Variants in MED31 observed in about 807,000 individuals in gnomAD.
MED31 encodes mediator of RNA polymerase II transcription subunit 31.
In MED31, 11 loss-of-function variants were observed where a neutral mutation model predicts 22.0. The observed-to-expected ratio is 0.50, with a 90% CI of 0.31 to 0.83. The LOEUF (loss-of-function observed/expected upper bound fraction) is 0.83, where lower values mean the gene tolerates loss of function less well. Ranked by LOEUF, MED31 falls within the 40% of genes least tolerant of loss-of-function variation. MED31 has a pLI of 0.04. For synonymous variants in MED31, 60 were observed against 55.1 expected, an observed-to-expected ratio of 1.09 and a Z score of -0.40; for missense variants, 122 against 155.3, an observed-to-expected ratio of 0.79 and a Z score of 1.14.
In MED31 at chr17:6,644,507, A is replaced by C; in HGVS notation, c.356T>G (p.Leu119Trp). Residue 119 changes from leucine (L) to tryptophan (W), a missense_variant, in exon 4 of 4, where the codon TTG becomes TGG. Transcript: ENST00000225728. ...SRKRMRLQQALAEQQQQNNTS... is the reference protein window; with the variant it reads ...SRKRMRLQQAWAEQQQQNNTS... The stretch of plus-strand genomic sequence containing the variant: ...GTTATTTTGCTGTTGCTGCTCTGCC[A>C]AGGCTTGCTGAAGGCGCATCCGCTT... 1 of 1,609,230 alleles carries C rather than the reference A, an allele frequency of 6.2e-7. No homozygotes were observed. The highest frequency in any genetic ancestry group is 2.2e-5 in the East Asian group (1 of 44,824).
intron 3 of MED31, among the ~76,000 whole-genome samples, chr17:6,649,356 T>C (rs936726320): frequency 6.6e-6 from 1 of 152,166 alleles, no homozygotes; most frequent in African/African-American, 2.4e-5. Flanking sequence ...AATGAGTTAA[T>C]GCATATGAAG....
At chr17:6,651,115 T>G (rs1972828936) in intron 1 of MED31, among the ~76,000 whole-genome samples, 1 of 16,242 alleles carries the variant, frequency 6.2e-5, no homozygotes, top group Non-Finnish European at 9.9e-5. Context: ...AGCCAGACGC[T>G]GTCTCAAAAA....
chr17:6,643,870 A>G lies in MED31; in HGVS notation c.*597T>C. 2.7e-6 allele frequency: 1 copy of G among 374,180 alleles called. No homozygotes were observed. Among genetic ancestry groups the G allele is most frequent in the East Asian group, 3.8e-5 (1 of 26,008 alleles). The allele number at this position is 374,180 out of a possible 1,614,324, so 23.2% of individuals were successfully genotyped here. On this transcript the variant is annotated 3_prime_UTR_variant, in exon 4 of 4. Transcript: ENST00000225728. The stretch of plus-strand genomic sequence containing the variant: ...TCAAGAGTCCAGTTAGTAACTAACC[A>G]CTAGTTGTCCTGCCATGACTAGGTC...
intron 2 of MED31, 100 bp downstream of exon 2, chr17:6,650,255 TC>T: frequency 7.5e-7 from 1 of 1,330,614 alleles, no homozygotes; most frequent in Non-Finnish European, 1.1e-6. Context: ...GTAATGTCAT[TC>T]AACTGAGAAT....
intron 3 of MED31, 177 bp downstream of exon 3, chr17:6,649,805 T>C: frequency 1.7e-6 from 1 of 575,558 alleles, no homozygotes; most frequent in Non-Finnish European, 2.7e-6. Context: ...GAAGCACAGA[T>C]AACCAGGGAG....
chr17:6,650,108 G>C (rs148346139), intron 2 of MED31, 30 bp from the exon 3 acceptor site: 1 of 1,547,676 alleles, frequency 6.5e-7, no homozygotes, highest in Non-Finnish European at 8.7e-7. Flanking sequence ...AAAATCTGTA[G>C]GTCAAACCAA....
chr17:6,651,500 C>T lies in MED31; in HGVS notation c.28+1G>A, dbSNP rs771403400. ...GACTCCAAGATCAGAGAGCTACTCA[C>T]CTGTCTCCATAGCGACAGCAGCGGC... On this transcript the variant is annotated splice_donor_variant, in intron 1 of 3. Transcript: ENST00000225728. LOFTEE classifies it high-confidence loss of function. The T allele has an allele frequency of 2.5e-6, 4 of 1,614,060 alleles. No individual in the cohort carries two copies. The highest frequency in any genetic ancestry group is 1.7e-6 in the Non-Finnish European group (2 of 1,180,026).
chr17:6,649,061 T>C (rs1299467572), intron 3 of MED31, among the ~76,000 whole-genome samples: 2 of 151,858 alleles, frequency 1.3e-5, no homozygotes, highest in Non-Finnish European at 2.9e-5. Context: ...ATGTGCTTCG[T>C]GAGTCAATTG....
At chr17:6,647,406 G>A (rs764021339) in intron 3 of MED31, among the ~76,000 whole-genome samples, 9 of 152,232 alleles carry the variant, frequency 5.9e-5, no homozygotes, top group Non-Finnish European at 1.3e-4. Flanking sequence ...ATATGCAAAT[G>A]ACTAAAGTGT....
In MED31 at chr17:6,650,431, C is replaced by A; in HGVS notation, c.31G>T (p.Asp11Tyr). 1 of 1,614,056 alleles carries A rather than the reference C, an allele frequency of 6.2e-7. No individual in the cohort carries two copies. Among genetic ancestry groups the A allele is most frequent in the South Asian group, 1.1e-5 (1 of 91,062 alleles). ...TGAAACCGAAGTCGATTTCCAGCAT[C>A]ATCTAGGAGACAAGACAGCAAAAAT... is the stretch of plus-strand genomic sequence containing the variant. MAAAVAMETDDAGNRLRFQLE... is the reference protein window; with the variant it reads MAAAVAMETDYAGNRLRFQLE... Residue 11 changes from aspartate (D) to tyrosine (Y), a missense_variant and splice_region_variant, in exon 2 of 4, where the codon GAT becomes TAT. Transcript: ENST00000225728.
At chr17:6,646,543 G>C (rs1972769805) in intron 3 of MED31, among the ~76,000 whole-genome samples, 1 of 152,214 alleles carries the variant, frequency 6.6e-6, no homozygotes, top group Non-Finnish European at 1.5e-5. Context: ...GTGCTATATT[G>C]AATCAAGGTT....
intron 3 of MED31, among the ~76,000 whole-genome samples, chr17:6,649,404 T>G (rs1056498978): frequency 2.0e-5 from 3 of 152,144 alleles, no homozygotes; most frequent in African/African-American, 7.2e-5. Flanking sequence ...AGGCCTTAAA[T>G]AAAAGACAGC....
chr17:6,650,494 G>T, intron 1 of MED31, 61 bp from the exon 2 acceptor site: 2 of 1,484,576 alleles, frequency 1.3e-6, no homozygotes, highest in Admixed American at 1.8e-5. Flanking sequence ...ATACTGATTT[G>T]TAGTAAGGAA....
intron 3 of MED31, 28 bp from the exon 4 acceptor site, chr17:6,644,687 C>T (rs1567601871): frequency 1.3e-6 from 2 of 1,529,224 alleles, no homozygotes; most frequent in Non-Finnish European, 1.8e-6. Context: ...AGTGAATGAA[C>T]AACATAATTT....
At position 6,651,120 on chromosome 17, in the gene MED31, C is replaced by CAAAAAAAAAAAAAAAAAAAAAAAAAAAAA. The variant is rs57965628; in HGVS notation, c.28+380_28+381insTTTTTTTTTTTTTTTTTTTTTTTTTTTTT. ...TGGGCGACAGAGCCAGACGCTGTCTCAAAAAAAAAAAAAAAAAGAAGCACC... is the reference window on the plus strand; with the variant it reads ...TGGGCGACAGAGCCAGACGCTGTCTCAAAAAAAAAAAAAAAAAAAAAAAAAAAAAAAAAAAAAAAAAAAAAAGAAGCACC... On this transcript the variant is annotated intron_variant, in intron 1 of 3. Transcript: ENST00000225728. Among the ~76,000 whole-genome samples, 9 of 49,050 alleles carry CAAAAAAAAAAAAAAAAAAAAAAAAAAAAA rather than the reference C, an allele frequency of 1.8e-4. 1 individual carries two copies. Among genetic ancestry groups the CAAAAAAAAAAAAAAAAAAAAAAAAAAAAA allele is most frequent in the Admixed American group, 4.1e-4 (2 of 4,922 alleles). 32.2% of individuals were successfully genotyped at this position (49,050 alleles called of 152,430 possible).
At chr17:6,650,501 G>A in intron 1 of MED31, 68 bp from the exon 2 acceptor site, 3 of 1,443,780 alleles carry the variant, frequency 2.1e-6, no homozygotes, top group Admixed American at 3.7e-5. Context: ...TTTGTAGTAA[G>A]GAAAGAGCAA....
At chr17:6,648,497 G>A (rs1038957657) in intron 3 of MED31, among the ~76,000 whole-genome samples, 19 of 152,310 alleles carry the variant, frequency 1.2e-4, no homozygotes, top group African/African-American at 4.6e-4. Context: ...GGAGAATTAA[G>A]ATCTATGGTT....
chr17:6,645,171 T>C (rs892591478), intron 3 of MED31, among the ~76,000 whole-genome samples: 5 of 152,118 alleles, frequency 3.3e-5, no homozygotes, highest in Non-Finnish European at 2.9e-5. Flanking sequence ...AAATATACTG[T>C]GGATAAGGAC....
At chr17:6,649,934 TATATA>T in intron 3 of MED31, 43 bp downstream of exon 3, 1 of 1,472,256 alleles carries the variant, frequency 6.8e-7, no homozygotes, top group African/African-American at 1.5e-5. Flanking sequence ...AGAAATCTAT[TATATA>T]ATAAAGTATA....
Sources: gnomAD v4.1 joint callset for allele counts (sites outside exome capture counted in the v4.1 genomes callset) on GRCh38, gnomAD v4.1.1 for gene constraint, MANE v1.5 for transcripts, NCBI Gene and HGNC (gene_info 2026-07-23, HGNC 2026-07-21) for gene names.